The following SCP2 variants were observed in gnomAD, a reference collection of about 807,000 sequenced individuals.
SCP2 encodes the protein sterol carrier protein 2.
A neutral mutation model predicts 71.4 loss-of-function variants in SCP2; 48 were observed. The observed-to-expected ratio is 0.67, with a 90% CI of 0.53 to 0.86. SCP2 has a LOEUF of 0.86. Among genes scored for constraint, SCP2 ranks in the 40% least tolerant of loss-of-function variants. The probability of loss-of-function intolerance (pLI) is 0.00; values close to 1 mark genes in which losing one functional copy is unlikely to be tolerated. For synonymous variants in SCP2, 220 were observed against 218.1 expected (o/e 1.01, Z -0.08); for missense variants, 560 against 655.6 (o/e 0.85, Z 1.59).
At chr1:53,017,146 A>G (rs1266749554) in intron 12 of SCP2, among the ~76,000 whole-genome samples, 1 of 152,216 alleles carries the variant, frequency 6.6e-6, no homozygotes. Context: ...TATGTATTCT[A>G]TATTCTGTTA....
At chr1:52,949,812 AATG>A (rs1159971988) in intron 3 of SCP2, among the ~76,000 whole-genome samples, 3 of 152,222 alleles carry the variant, frequency 2.0e-5, no homozygotes, top group African/African-American at 7.2e-5. Flanking sequence ...TGTAAAGTGT[AATG>A]ATTTCTTTAC....
intron 13 of SCP2, among the ~76,000 whole-genome samples, chr1:53,038,616 G>T (rs1663190829): frequency 6.6e-6 from 1 of 151,962 alleles, no homozygotes; most frequent in Non-Finnish European, 1.5e-5. Context: ...TGTTGCCCAG[G>T]CTGGCCTCCA....
At chr1:52,965,007 T>C (rs998744201) in intron 6 of SCP2, among the ~76,000 whole-genome samples, 3 of 149,530 alleles carry the variant, frequency 2.0e-5, no homozygotes, top group African/African-American at 7.3e-5. Context: ...CGAGACTCCA[T>C]CTCAAAAACA....
chr1:53,048,694 G>A (rs951762086), intron 15 of SCP2: 1 of 153,452 alleles, frequency 6.5e-6, no homozygotes, highest in Admixed American at 6.4e-5. Flanking sequence ...ACAACTGTTG[G>A]ACTAAATTGC....
At position 52,988,068 on chromosome 1, in the gene SCP2, A is replaced by G. The variant is rs1326092975; in HGVS notation, c.1013A>G (p.Tyr338Cys). 2.5e-6 allele frequency: 4 copies of G among 1,607,816 alleles called. No individual in the cohort carries two copies. Among genetic ancestry groups the G allele is most frequent in the Non-Finnish European group, 3.4e-6 (4 of 1,174,590 alleles). The change falls in exon 11 of 16, where the codon TAT (tyrosine) becomes TGT (cysteine). Residue 338 changes from tyrosine (Y) to cysteine (C), a missense_variant. Transcript: ENST00000371514. Reference protein sequence around the residue: ...ATLVDRGDNTYGGKWVINPSG... With the variant: ...ATLVDRGDNTCGGKWVINPSG... ...CTGGTTGATAGAGGAGATAATACAT[A>G]TGGAGGAAAGTGGGTCATAAATCCT...
At chr1:52,947,660 T>C (rs1654928793) in intron 2 of SCP2, among the ~76,000 whole-genome samples, 1 of 152,210 alleles carries the variant, frequency 6.6e-6, no homozygotes, top group Non-Finnish European at 1.5e-5. Flanking sequence ...TTTCTCATTT[T>C]ACCCTCTAGA....
chr1:52,933,193 A>G (rs934023193), intron 1 of SCP2, among the ~76,000 whole-genome samples: 10 of 152,226 alleles, frequency 6.6e-5, no homozygotes, highest in African/African-American at 2.4e-4. Context: ...ATCAAAGCCT[A>G]CTTGAGTGAT....
chr1:52,993,859 C>T (rs1470237942), intron 11 of SCP2: 1 of 1,482,866 alleles, frequency 6.7e-7, no homozygotes, highest in Admixed American at 2.1e-5. Flanking sequence ...CATTAGTAAT[C>T]ATATGATAGT....
intron 12 of SCP2, among the ~76,000 whole-genome samples, chr1:53,027,740 G>T (rs1220264947): frequency 6.6e-6 from 1 of 151,982 alleles, no homozygotes; most frequent in African/African-American, 2.4e-5. Context: ...CCCGACTACA[G>T]GTGATCCACT....
chr1:52,999,766 A>G (rs1260003964), intron 11 of SCP2, among the ~76,000 whole-genome samples: 1 of 151,032 alleles, frequency 6.6e-6, no homozygotes, highest in African/African-American at 2.4e-5. Flanking sequence ...ATTTTATTCC[A>G]GTTTTCAAAG....
intron 5 of SCP2, among the ~76,000 whole-genome samples, chr1:52,955,385 T>G (rs1349464556): frequency 6.6e-6 from 1 of 152,112 alleles, no homozygotes; most frequent in East Asian, 1.9e-4. Context: ...CTTCCCAAGA[T>G]CAGAAGTTTA....
chr1:52,940,148 T>C (rs577669257), intron 1 of SCP2, among the ~76,000 whole-genome samples: 3 of 152,254 alleles, frequency 2.0e-5, no homozygotes, highest in South Asian at 2.1e-4. Context: ...CTCACACCTG[T>C]AATTGCAGCA....
chr1:53,044,443 TATTA>T (rs1466289028), intron 14 of SCP2, among the ~76,000 whole-genome samples: 2 of 152,230 alleles, frequency 1.3e-5, no homozygotes, highest in Non-Finnish European at 2.9e-5. Flanking sequence ...TCACATAATC[TATTA>T]ATTTATTCAA....
At chr1:53,043,355 T>A (rs1267139306) in intron 14 of SCP2, among the ~76,000 whole-genome samples, 1 of 152,222 alleles carries the variant, frequency 6.6e-6, no homozygotes, top group African/African-American at 2.4e-5. Flanking sequence ...TAATTTTGCT[T>A]AGACACATAG....
chr1:53,015,007 T>G lies in SCP2; in HGVS notation c.1199T>G (p.Val400Gly). 1 of 1,614,204 alleles carries G rather than the reference T, an allele frequency of 6.2e-7. No homozygotes were observed. ...TTAGGCATTGGAGGAGCTGTGGTTG[T>G]AACACTCTACAAGATGGGTTTTCCG... ...HNLGIGGAVV[V>G]TLYKMGFPEA... Residue 400 changes from valine (V) to glycine (G), a missense_variant, in exon 12 of 16, where the codon GTA (valine) becomes GGA (glycine). This residue lies in a region of SCP2 where 513 missense variants were observed against 573.1 expected (regional missense o/e 0.90). Coordinates refer to ENST00000371514, the MANE Select transcript of SCP2 (RefSeq NM_002979.5).
intron 14 of SCP2, among the ~76,000 whole-genome samples, chr1:53,040,150 T>G (rs1663316989): frequency 6.6e-6 from 1 of 152,252 alleles, no homozygotes; most frequent in Non-Finnish European, 1.5e-5. Flanking sequence ...TCCCCGATTC[T>G]GTTCTTGCCC....
intron 11 of SCP2, among the ~76,000 whole-genome samples, chr1:52,991,723 A>T (rs531840592): frequency 2.6e-5 from 4 of 152,160 alleles, no homozygotes; most frequent in African/African-American, 9.6e-5. Context: ...TTATCACAGT[A>T]TGAAAAATAA....
At chr1:52,938,727 C>T (rs888037693) in intron 1 of SCP2, among the ~76,000 whole-genome samples, 1 of 152,228 alleles carries the variant, frequency 6.6e-6, no homozygotes, top group Non-Finnish European at 1.5e-5. Context: ...TATATAGCCT[C>T]TCCCTCTATC....
chr1:53,012,493 C>T (rs1661049010), intron 11 of SCP2, among the ~76,000 whole-genome samples: 3 of 152,222 alleles, frequency 2.0e-5, no homozygotes, highest in Admixed American at 2.0e-4. Context: ...TTTCAGGAAA[C>T]CTTCAGAGGG....
Sources: gnomAD v4.1 joint callset for allele counts (sites outside exome capture counted in the v4.1 genomes callset) on GRCh38, gnomAD v4.1.1 for gene constraint, gnomAD v4.1.1 regional missense constraint, MANE v1.5 for transcripts, NCBI Gene and HGNC (gene_info 2026-07-23, HGNC 2026-07-21) for gene names.